ADCY1: variants seen among roughly 807,000 people sequenced by gnomAD.
ADCY1 encodes adenylate cyclase type 1.
ADCY1 carries 28 observed loss-of-function variants against 105.4 expected under a neutral mutation model. The observed-to-expected ratio is 0.27, with a 90% CI of 0.20 to 0.36. The LOEUF is 0.36. ADCY1 is among the 10% of genes least tolerant of loss of function. ADCY1 has a pLI of 1.00. For synonymous variants in ADCY1, 655 were observed against 623.8 expected (o/e 1.05, Z -0.75); for missense variants, 977 against 1,434.2 (o/e 0.68, Z 5.15).
At chr7:45,661,952 C>A in intron 7 of ADCY1, 107 bp from the exon 8 acceptor site, 1 of 1,361,124 alleles carries the variant, frequency 7.3e-7, no homozygotes, top group Non-Finnish European at 1.0e-6. Flanking sequence ...GCAAATGAAT[C>A]CCAGTGCCCT....
At chr7:45,585,165 G>A (rs980804574) in intron 1 of ADCY1, among the ~76,000 whole-genome samples, 1 of 152,158 alleles carries the variant, frequency 6.6e-6, no homozygotes, top group Admixed American at 6.5e-5. Context: ...TGAAACAACC[G>A]TGGCCTCAAA....
intron 19 of ADCY1, among the ~76,000 whole-genome samples, chr7:45,711,804 T>C (rs1169793096): frequency 9.9e-6 from 1 of 101,300 alleles, no homozygotes; most frequent in African/African-American, 3.4e-5. Context: ...TATATACTTA[T>C]ACTTTTTTAC....
In ADCY1 at chr7:45,635,344, CTCTATTTTT is replaced by C. The variant is rs1794372176; in HGVS notation, c.1020+12609_1020+12617del. ...TAACTGCTTTTCATTTGATTGATTT[CTCTATTTTT>C]TCTATTTAGTTTCTTTTCGTATCTG... On this transcript the variant is annotated intron_variant, in intron 4 of 19. Coordinates refer to ENST00000297323, the MANE Select transcript of ADCY1 (RefSeq NM_021116.4). Among the ~76,000 whole-genome samples the C allele has an allele frequency of 2.0e-5, 3 of 151,550 alleles. No homozygotes were observed. The South Asian group carries it at 6.2e-4, about 31-fold the overall frequency.
At chr7:45,610,817 T>A (rs796672456) in intron 3 of ADCY1, among the ~76,000 whole-genome samples, 2 of 48,706 alleles carry the variant, frequency 4.1e-5, no homozygotes, top group Admixed American at 2.3e-4. Context: ...ATGGTGGAGG[T>A]ATGGAGGTGA....
At chr7:45,610,758 GTAGAGGTGATAGT>G (rs1793525345) in intron 3 of ADCY1, among the ~76,000 whole-genome samples, 2 of 98,294 alleles carry the variant, frequency 2.0e-5, no homozygotes, top group African/African-American at 3.7e-5. Context: ...TGATGGAGGT[GTAGAGGTGATAGT>G]GGAGGTGTGG....
At chr7:45,674,577 T>A (rs1166268140) in intron 8 of ADCY1, among the ~76,000 whole-genome samples, 1 of 152,138 alleles carries the variant, frequency 6.6e-6, no homozygotes, top group Non-Finnish European at 1.5e-5. Flanking sequence ...TTTCAGCATT[T>A]TGGCCAGGCT....
intron 5 of ADCY1, among the ~76,000 whole-genome samples, chr7:45,655,639 C>T (rs937978808): frequency 6.6e-5 from 10 of 152,102 alleles, no homozygotes; most frequent in Admixed American, 1.3e-4. Flanking sequence ...GAGGCAGAAC[C>T]GACTGGGAAA....
intron 8 of ADCY1, among the ~76,000 whole-genome samples, chr7:45,666,473 T>A (rs933170807): frequency 2.6e-5 from 4 of 152,164 alleles, no homozygotes; most frequent in Non-Finnish European, 5.9e-5. Flanking sequence ...ATTCATCATT[T>A]TTTATGGTAT....
Position 45,607,682 on chromosome 7 carries a change from C to T in ADCY1, c.790-2697C>T, listed in dbSNP as rs150946664. Among the ~76,000 whole-genome samples, 324 of 152,306 alleles carry T rather than the reference C, an allele frequency of 2.1e-3. 2 individuals are homozygous for T. Among genetic ancestry groups the T allele is most frequent in the Middle Eastern group, 0.01 (3 of 294 alleles). ...ATGTATCCAATGTTTAGCTTCCACT[C>T]GTAAGTGAGAACATGTGGTATTTGG... On this transcript the variant is annotated intron_variant, in intron 2 of 19. Transcript: ENST00000297323.
Position 45,708,259 on chromosome 7 carries a change from A to C in ADCY1, c.2818-91A>C. 1.3e-6 allele frequency: 1 copy of C among 792,900 alleles called. No homozygotes were observed. 49.1% of individuals were successfully genotyped at this position (792,900 alleles called of 1,614,324 possible). On this transcript the variant is annotated intron_variant, in intron 17 of 19. Transcript: ENST00000297323. The surrounding 1 kb of genome is among the most constrained non-coding windows in gnomAD (Gnocchi z 4.7). ...CAGGCACTCAGAGTGCCTTCCTCTG[A>C]AAGTGCAGCTGTTGGGCACTGCAGG...
At chr7:45,662,480 C>T (rs2116128786) in intron 8 of ADCY1, among the ~76,000 whole-genome samples, 1 of 152,288 alleles carries the variant, frequency 6.6e-6, no homozygotes, top group Non-Finnish European at 1.5e-5. Flanking sequence ...AGCTAAAATT[C>T]CCCACCTGCT....
chr7:45,610,897 TGGG>T (rs1793555702), intron 3 of ADCY1, among the ~76,000 whole-genome samples: 1 of 2,958 alleles, frequency 3.4e-4, no homozygotes, highest in Non-Finnish European at 6.9e-4. Flanking sequence ...ATGGTGGAGG[TGGG>T]GAGGTGATAA....
Position 45,715,803 on chromosome 7 carries a change from A to C in ADCY1, c.*1808A>C, listed in dbSNP as rs1333533708. On this transcript the variant is annotated 3_prime_UTR_variant, in exon 20 of 20. Transcript: ENST00000297323. Reference sequence around the variant, plus strand: ...CAGGGTGGATGGCTTCGGGCAGGGAAGGCGGGTAGAGGCTGCATGTGGGGG... The same window carrying C: ...CAGGGTGGATGGCTTCGGGCAGGGACGGCGGGTAGAGGCTGCATGTGGGGG... 1.3e-5 allele frequency: 2 copies of C among 152,712 alleles called. No homozygotes were observed. The highest frequency in any genetic ancestry group is 2.4e-5 in the African/African-American group (1 of 41,468). 9.5% of individuals were successfully genotyped at this position (152,712 alleles called of 1,614,324 possible). A position where few individuals can be genotyped will look rare whatever the true frequency, so the allele number is the denominator to read the frequency against.
chr7:45,694,112 T>TAAAAA (rs1179413059), intron 14 of ADCY1, among the ~76,000 whole-genome samples: 3 of 31,782 alleles, frequency 9.4e-5, no homozygotes, highest in Non-Finnish European at 1.4e-4. Context: ...ACTTAGAGTA[T>TAAAAA]AATAAAAAAA....
intron 14 of ADCY1, among the ~76,000 whole-genome samples, chr7:45,691,311 A>T (rs1166178212): frequency 6.6e-6 from 1 of 152,212 alleles, no homozygotes; most frequent in Admixed American, 6.5e-5. Context: ...GCCCACATGG[A>T]GTATACTGCC....
rs1491507469 is a variant in ADCY1 at position 45,711,914 on chromosome 7, A to ATCTATT, written c.3057+1263_3057+1264insCTATTT. Reference sequence around the variant, plus strand: ...TTTATATATTATATTAAATATATAAATATATTATATATTATATTAAATATA... The same window carrying ATCTATT: ...TTTATATATTATATTAAATATATAAATCTATTTATATTATATATTATATTAAATATA... On this transcript the variant is annotated intron_variant, in intron 19 of 19. Transcript: ENST00000297323. Among the ~76,000 whole-genome samples, 2 of 16,400 alleles carry ATCTATT rather than the reference A, an allele frequency of 1.2e-4. 1 individual carries two copies. The highest frequency in any genetic ancestry group is 3.1e-4 in the Non-Finnish European group (2 of 6,508). The allele number at this position is 16,400 out of a possible 152,430, so 10.8% of individuals were successfully genotyped here.
At chr7:45,595,135 C>T (rs1466771414) in intron 2 of ADCY1, among the ~76,000 whole-genome samples, 1 of 152,170 alleles carries the variant, frequency 6.6e-6, no homozygotes, top group Non-Finnish European at 1.5e-5. Flanking sequence ...ATTTCTTTCC[C>T]AAGTTTCTGA....
Position 45,710,618 on chromosome 7 carries a change from G to A in ADCY1, c.3023G>A (p.Arg1008Gln), listed in dbSNP as rs1562735052. 6.2e-7 allele frequency: 1 copy of A among 1,614,028 alleles called. No homozygotes were observed. Among genetic ancestry groups the A allele is most frequent in the Non-Finnish European group, 8.5e-7 (1 of 1,179,986 alleles). Reference protein sequence around the residue: ...IWGNTVNVASRMDSTGVQGRI... With the variant: ...IWGNTVNVASQMDSTGVQGRI... ...GGAAACACAGTCAACGTGGCCAGTC[G>A]GATGGATAGCACAGGGGTCCAGGGC... Residue 1008 changes from arginine to glutamine, a missense_variant, in exon 19 of 20, where the codon CGG (arginine) becomes CAG (glutamine). Physicochemically the swap from Arg to Gln is conservative, Grantham distance 43. Around this residue, in one of 7 missense-constraint regions of ADCY1, gnomAD observed 152 missense variants for 293.7 expected, o/e 0.52. Transcript: ENST00000297323. This position sits in a 1 kb window ranked among gnomAD's most constrained non-coding sequence, Gnocchi z 4.7.
In ADCY1 at chr7:45,574,519, G is replaced by C; in HGVS notation, c.-25G>C. ...CGGGCCGGCGAGGGGCGCGCCCGCG[G>C]CCGCGGCCGCTGCATGGCGCTGAGA... On this transcript the variant is annotated 5_prime_UTR_variant, in exon 1 of 20. Coordinates refer to ENST00000297323, the MANE Select transcript of ADCY1 (RefSeq NM_021116.4). The surrounding 1 kb of genome is among the most constrained non-coding windows in gnomAD (Gnocchi z 7.0). The C allele has an allele frequency of 1.0e-6, 1 of 975,332 alleles. No individual in the cohort carries two copies. The highest frequency in any genetic ancestry group is 4.7e-5 in the South Asian group (1 of 21,124). 60.4% of individuals were successfully genotyped at this position (975,332 alleles called of 1,614,324 possible).
Sources: allele counts gnomAD v4.1 joint callset (sites outside exome capture counted in the v4.1 genomes callset), GRCh38; gene constraint gnomAD v4.1.1; regional missense constraint gnomAD v4.1.1; non-coding constraint Gnocchi (gnomAD v3.1); transcripts MANE v1.5; gene names NCBI Gene and HGNC (gene_info 2026-07-23, HGNC 2026-07-21).